The following AGBL1 variants were observed in gnomAD, a reference collection of about 807,000 sequenced individuals.
The protein encoded by AGBL1 is AGBL carboxypeptidase 1, also known as cytosolic carboxypeptidase 4.
In AGBL1, 130 loss-of-function variants were observed where a neutral mutation model predicts 118.9. That is an observed-to-expected ratio of 1.09 (90% CI 0.95 to 1.26). The LOEUF (loss-of-function observed/expected upper bound fraction) is 1.26. Ranked by LOEUF, AGBL1 falls within the 50% of genes most tolerant of loss-of-function variation. The pLI, the probability that AGBL1 is intolerant of heterozygous loss-of-function variation, is 0.00. For missense variants in AGBL1, 1,584 were observed against 1,298.1 expected, an observed-to-expected ratio of 1.22 and a Z score of -3.38; for synonymous variants, 555 against 478.9, an observed-to-expected ratio of 1.16 and a Z score of -2.08.
chr15:86,940,315 T>A (rs2080734616), intron 23 of AGBL1, among the ~76,000 whole-genome samples: 1 of 152,018 alleles, frequency 6.6e-6, no homozygotes, highest in Non-Finnish European at 1.5e-5. Context: ...GAGATAATAA[T>A]AATATAGACC....
Position 86,870,454 on chromosome 15 carries a change from CAAAAAAAAAAAAAAAAAAAAAAAAAA to C in AGBL1, c.3159-36616_3159-36591del, listed in dbSNP as rs770556494. 3.4e-3 allele frequency among the ~76,000 whole-genome samples: 216 copies of C among 64,116 alleles called. 4 individuals are homozygous for C. The highest frequency in any genetic ancestry group is 0.014 in the African/African-American group (185 of 13,078). 42.1% of individuals were successfully genotyped at this position (64,116 alleles called of 152,430 possible). A position where few individuals can be genotyped will look rare whatever the true frequency, so the allele number is the denominator to read the frequency against. Reference sequence around the variant, plus strand: ...GGCAAGAAAAAAGTAAAGCATACTGCAAAAAAAAAAAAAAAAAAAAAAAAAAAAAAAAAAAAAAAAAAGAAGAAACA... The same window carrying C: ...GGCAAGAAAAAAGTAAAGCATACTGCAAAAAAAAAAAAAAAAGAAGAAACA... On this transcript the variant is annotated intron_variant, in intron 22 of 22. Transcript: ENST00000614907.
At chr15:86,568,698 A>G (rs573281254) in intron 21 of AGBL1, among the ~76,000 whole-genome samples, 2 of 152,328 alleles carry the variant, frequency 1.3e-5, no homozygotes, top group South Asian at 2.1e-4. Flanking sequence ...GCAGACTCCC[A>G]GGCCCCACCT....
At chr15:86,667,242 G>GTATCTATCTATC (rs1331835283) in intron 21 of AGBL1, among the ~76,000 whole-genome samples, 1 of 113,012 alleles carries the variant, frequency 8.8e-6, no homozygotes, top group African/African-American at 3.0e-5. Flanking sequence ...ATGTATGTAT[G>GTATCTATCTATC]TATGTATGTA....
chr15:86,103,044 C>A (rs1324427780), intron 1 of AGBL1, among the ~76,000 whole-genome samples: 3 of 152,034 alleles, frequency 2.0e-5, no homozygotes, highest in Non-Finnish European at 4.4e-5. Context: ...TTTCCAAAGA[C>A]CTGTTTTCAA....
chr15:86,601,696 A>G (rs1352396550), intron 21 of AGBL1, among the ~76,000 whole-genome samples: 1 of 152,196 alleles, frequency 6.6e-6, no homozygotes, highest in Non-Finnish European at 1.5e-5. Flanking sequence ...GACGTTTTTA[A>G]CTGGTGTTTT....
chr15:86,572,211 C>T (rs900143941), intron 21 of AGBL1, among the ~76,000 whole-genome samples: 6 of 151,510 alleles, frequency 4.0e-5, no homozygotes, highest in Non-Finnish European at 8.9e-5. Flanking sequence ...TTCCTGGGCC[C>T]CCAAGAACAG....
intron 17 of AGBL1, among the ~76,000 whole-genome samples, chr15:86,298,631 T>C (rs997231888): frequency 3.9e-5 from 6 of 152,088 alleles, no homozygotes; most frequent in Admixed American, 1.3e-4. Flanking sequence ...TAAATTGTTT[T>C]ACCTGCTTCC....
At chr15:86,271,288 T>C (rs1260091514) in intron 14 of AGBL1, among the ~76,000 whole-genome samples, 1 of 151,906 alleles carries the variant, frequency 6.6e-6, no homozygotes, top group Non-Finnish European at 1.5e-5. Context: ...GGTCTTGATC[T>C]CCTGACCTTG....
At chr15:86,795,229 C>G (rs1310800142) in intron 22 of AGBL1, among the ~76,000 whole-genome samples, 2 of 152,132 alleles carry the variant, frequency 1.3e-5, no homozygotes, top group Non-Finnish European at 1.5e-5. Flanking sequence ...GCTTGGATCC[C>G]CTGCATTGTG....
At position 86,733,832 on chromosome 15, in the gene AGBL1, T is replaced by C. The variant is rs115885288; in HGVS notation, c.3158+59396T>C. Reference sequence around the variant, plus strand: ...TGGTTAAAAGTGTCTTTATCCTTTATGGGAACTTCTTTGGGAAGGGTAAAG... The same window carrying C: ...TGGTTAAAAGTGTCTTTATCCTTTACGGGAACTTCTTTGGGAAGGGTAAAG... On this transcript the variant is annotated intron_variant, in intron 22 of 22. Coordinates refer to ENST00000614907, the MANE Select transcript of AGBL1 (RefSeq NM_001386094.1). Among the ~76,000 whole-genome samples the C allele has an allele frequency of 6.1e-3, 932 of 152,296 alleles. 10 individuals carry two copies. Among genetic ancestry groups the C allele is most frequent in the African/African-American group, 0.021 (883 of 41,558 alleles).
At chr15:86,176,087 T>A (rs974045153) in intron 5 of AGBL1, among the ~76,000 whole-genome samples, 2 of 152,206 alleles carry the variant, frequency 1.3e-5, no homozygotes, top group Non-Finnish European at 2.9e-5. Flanking sequence ...AGGTGTTGAA[T>A]TCCCCAACTA....
At chr15:86,160,013 C>T (rs1317140193) in intron 5 of AGBL1, among the ~76,000 whole-genome samples, 1 of 151,634 alleles carries the variant, frequency 6.6e-6, no homozygotes, top group East Asian at 1.9e-4. Context: ...TAAGACTTCT[C>T]AGAGCCTTTG....
intron 1 of AGBL1, among the ~76,000 whole-genome samples, chr15:86,095,274 A>G (rs1421907482): frequency 6.6e-6 from 1 of 151,968 alleles, no homozygotes; most frequent in Non-Finnish European, 1.5e-5. Context: ...TGACTGATTG[A>G]CTCATTGGCC....
At chr15:86,700,503 A>G (rs1164994832) in intron 22 of AGBL1, among the ~76,000 whole-genome samples, 1 of 117,788 alleles carries the variant, frequency 8.5e-6, no homozygotes, top group Non-Finnish European at 1.6e-5. Context: ...ACACACACAC[A>G]CACACACAAA....
intron 21 of AGBL1, chr15:86,630,348 A>C (rs72762034): frequency 0.12 from 17,563 of 152,198 alleles, 1,153 homozygotes; most frequent in East Asian, 0.15. Context: ...CACTTGTGTC[A>C]CTGTACCAAC....
intron 21 of AGBL1, among the ~76,000 whole-genome samples, chr15:86,620,060 G>GT (rs912960508): frequency 6.6e-5 from 10 of 152,224 alleles, no homozygotes; most frequent in African/African-American, 2.4e-4. Context: ...ATCTCAGAGT[G>GT]TTTTTATTAA....
intron 3 of AGBL1, among the ~76,000 whole-genome samples, chr15:86,149,389 C>T (rs2077076169): frequency 6.6e-6 from 1 of 152,076 alleles, no homozygotes; most frequent in Non-Finnish European, 1.5e-5. Flanking sequence ...ACCCATCTCA[C>T]ATGCAAAGAT....
chr15:86,546,307 T>C (rs189591138), intron 20 of AGBL1, among the ~76,000 whole-genome samples, 174 bp downstream of exon 20: 6 of 152,066 alleles, frequency 3.9e-5, no homozygotes, highest in Admixed American at 3.9e-4. Flanking sequence ...GTGTAACCTC[T>C]CCTAATTTTT....
chr15:86,727,500 A>G (rs2086838436), intron 22 of AGBL1, among the ~76,000 whole-genome samples: 1 of 152,148 alleles, frequency 6.6e-6, no homozygotes, highest in Admixed American at 6.5e-5. Context: ...TCCTTGCTGG[A>G]TAAAAGAAAT....
Sources: gnomAD v4.1 joint callset for allele counts (sites outside exome capture counted in the v4.1 genomes callset) on GRCh38, gnomAD v4.1.1 for gene constraint, MANE v1.5 for transcripts, NCBI Gene and HGNC (gene_info 2026-07-23, HGNC 2026-07-21) for gene names.